Variants in MAP3K15 observed in about 807,000 individuals in gnomAD.
MAP3K15 encodes the protein mitogen-activated protein kinase kinase kinase 15.
A neutral mutation model predicts 99.5 loss-of-function variants in MAP3K15; 124 were observed. The ratio of observed to expected loss-of-function variants is 1.25; its 90% CI spans 1.08 to 1.45. The LOEUF is 1.45. MAP3K15 is among the 40% of genes most tolerant of loss of function. The pLI, the probability that MAP3K15 is intolerant of heterozygous loss-of-function variation, is 0.00. For missense variants in MAP3K15, 1,242 were observed against 1,079.7 expected, an observed-to-expected ratio of 1.15 and a Z score of -2.11; for synonymous variants, 494 against 439.6, an observed-to-expected ratio of 1.12 and a Z score of -1.55.
intron 1 of MAP3K15, among the ~76,000 whole-genome samples, chrX:19,496,115 G>A (rs1156395478): frequency 9.8e-6 from 1 of 102,105 alleles, no homozygotes; most frequent in African/African-American, 3.7e-5. Context: ...TGCCCAGGCT[G>A]GAGTGCAGTG....
Position 19,361,213 on chromosome X carries a change from TC to T in MAP3K15, c.3857+125del, listed in dbSNP as rs1037093465. 1.3e-5 allele frequency: 7 copies of T among 558,373 alleles called. No homozygotes were observed. In the African/African-American group the frequency reaches 1.6e-4, roughly 13 times the overall value. 46.0% of individuals were successfully genotyped at this position (558,373 alleles called of 1,213,427 possible). On this transcript the variant is annotated intron_variant, in intron 28 of 28. Transcript: ENST00000338883. ...CAGTTTCTGCCCCACCTTGGCTTTT[TC>T]CCAGCTTGAACCTAATAGAACTCCA...
chrX:19,501,902 C>A (rs967548053), intron 1 of MAP3K15, among the ~76,000 whole-genome samples: 3 of 111,212 alleles, frequency 2.7e-5, no homozygotes, highest in African/African-American at 6.5e-5. Flanking sequence ...CCCATCTCTA[C>A]TAAAAATACA....
At chrX:19,449,992 C>G (rs1239702732) in intron 6 of MAP3K15, among the ~76,000 whole-genome samples, 2 of 109,198 alleles carry the variant, frequency 1.8e-5, no homozygotes, top group Non-Finnish European at 3.9e-5. Flanking sequence ...GAGCAATAGC[C>G]AAGCACCTGC....
In MAP3K15 at chrX:19,369,226, A is replaced by G. The variant is rs371499504; in HGVS notation, c.3401-7T>C. ...TCAAAGTGGGCTCGGAGCTCTGCAA[A>G]TCACACAAGACATGACAATGGTGAG... On this transcript the variant is annotated splice_polypyrimidine_tract_variant and splice_region_variant and intron_variant, in intron 24 of 28. Coordinates refer to ENST00000338883, the MANE Select transcript of MAP3K15 (RefSeq NM_001001671.4). 3.9e-5 allele frequency: 47 copies of G among 1,210,853 alleles called. No homozygotes were observed. Among genetic ancestry groups the G allele is most frequent in the Non-Finnish European group, 5.3e-5 (47 of 895,029 alleles).
chrX:19,427,850 A>G (rs774022044), intron 7 of MAP3K15, among the ~76,000 whole-genome samples: 2 of 111,540 alleles, frequency 1.8e-5, no homozygotes, highest in Non-Finnish European at 3.8e-5. Flanking sequence ...ATTCTGAGGC[A>G]TAATACAAAT....
intron 13 of MAP3K15, among the ~76,000 whole-genome samples, chrX:19,406,944 A>G (rs1466377682): frequency 9.0e-6 from 1 of 111,377 alleles, no homozygotes; most frequent in South Asian, 3.7e-4. Flanking sequence ...CAGGTGATCC[A>G]CCCTCCTCAG....
At chrX:19,480,467 A>G (rs1261820724) in intron 3 of MAP3K15, among the ~76,000 whole-genome samples, 1 of 110,571 alleles carries the variant, frequency 9.0e-6, no homozygotes, top group Non-Finnish European at 1.9e-5. Flanking sequence ...GTGACAGAGT[A>G]AGACCCTGTC....
chrX:19,491,514 G>C (rs2064368442), intron 1 of MAP3K15, among the ~76,000 whole-genome samples: 1 of 109,411 alleles, frequency 9.1e-6, no homozygotes, highest in Non-Finnish European at 1.9e-5. Flanking sequence ...GAAGGAAAGA[G>C]CGGTGCATTA....
intron 18 of MAP3K15, among the ~76,000 whole-genome samples, chrX:19,391,674 C>CAAAAAAAAAAAAAAAA (rs759061873): frequency 3.5e-5 from 1 of 28,533 alleles, no homozygotes; most frequent in African/African-American, 1.1e-4. Flanking sequence ...GACCCCGTCT[C>CAAAAAAAAAAAAAAAA]AAAAAAAAAA....
chrX:19,488,401 G>A (rs924244880), intron 2 of MAP3K15, among the ~76,000 whole-genome samples: 22 of 111,615 alleles, frequency 2.0e-4, no homozygotes, highest in South Asian at 1.5e-3. Context: ...TGTCCATTTC[G>A]GTAACTGTTC....
Position 19,425,597 on chromosome X carries a change from A to T in MAP3K15, c.1373T>A (p.Leu458Gln). The T allele has an allele frequency of 8.3e-7, 1 of 1,199,593 alleles. No individual in the cohort carries two copies. The highest frequency in any genetic ancestry group is 1.1e-6 in the Non-Finnish European group (1 of 894,594). The change falls in exon 9 of 29, where the codon CTG becomes CAG. Residue 458 changes from leucine to glutamine, a missense_variant. Coordinates refer to ENST00000338883, the MANE Select transcript of MAP3K15 (RefSeq NM_001001671.4). ...DVGQFFSVSMLAHDVGKAVQA... is the reference protein window; with the variant it reads ...DVGQFFSVSMQAHDVGKAVQA... Reference sequence around the variant, plus strand: ...GACGGCTTTCCCGACATCATGGGCCAGCATGCTGACGCTGAAGAACTGACC... The same window carrying T: ...GACGGCTTTCCCGACATCATGGGCCTGCATGCTGACGCTGAAGAACTGACC...
intron 9 of MAP3K15, 129 bp from the exon 10 acceptor site, chrX:19,415,386 A>C: frequency 1.2e-5 from 7 of 573,310 alleles, no homozygotes; most frequent in Non-Finnish European, 5.0e-6. Context: ...GTGCTTCATA[A>C]ACGACTGCTC....
At chrX:19,462,904 A>G (rs1443028331) in intron 4 of MAP3K15, among the ~76,000 whole-genome samples, 2 of 112,420 alleles carry the variant, frequency 1.8e-5, no homozygotes, top group African/African-American at 6.5e-5. Flanking sequence ...TAGGTATTTC[A>G]AGCCCTTTGA....
intron 1 of MAP3K15, 122 bp from the exon 2 acceptor site, chrX:19,489,089 AG>A (rs1462398925): frequency 3.1e-6 from 2 of 643,256 alleles, no homozygotes; most frequent in African/African-American, 2.2e-5. Context: ...TGTTAGGTAA[AG>A]TAAGGAATGA....
intron 6 of MAP3K15, among the ~76,000 whole-genome samples, chrX:19,433,993 C>G (rs950766654): frequency 1.8e-5 from 2 of 111,109 alleles, no homozygotes; most frequent in Admixed American, 9.6e-5. Context: ...GAGGAACATC[C>G]GTAACAGTAA....
chrX:19,396,959 GCA>G (rs754410693), intron 15 of MAP3K15, among the ~76,000 whole-genome samples: 2 of 108,637 alleles, frequency 1.8e-5, no homozygotes, highest in African/African-American at 6.7e-5. Flanking sequence ...GAGTGCAGTG[GCA>G]CAGTCTCGGC....
In MAP3K15 at chrX:19,380,127, A is replaced by G; in HGVS notation, c.2582T>C (p.Met861Thr). 8.4e-7 allele frequency: 1 copy of G among 1,188,458 alleles called. No individual in the cohort carries two copies. Residue 861 changes from methionine (M) to threonine (T), a missense_variant, in exon 19 of 29, where the codon ATG becomes ACG. Coordinates refer to ENST00000338883, the MANE Select transcript of MAP3K15 (RefSeq NM_001001671.4). ...FHELGEPQAA[M>T]FKVGMFKIHP... ...TCACGAAGCATGACTTACTTTGAACATGGCTGCCTGCGGCTCACCAAGCTC... is the reference window on the plus strand; with the variant it reads ...TCACGAAGCATGACTTACTTTGAACGTGGCTGCCTGCGGCTCACCAAGCTC...
At chrX:19,431,221 G>A (rs866617268) in intron 7 of MAP3K15, among the ~76,000 whole-genome samples, 10 of 111,700 alleles carry the variant, frequency 9.0e-5, no homozygotes, top group Non-Finnish European at 1.7e-4. Context: ...CCATAAACAA[G>A]TGTACCTGTG....
intron 1 of MAP3K15, among the ~76,000 whole-genome samples, chrX:19,507,567 C>T (rs1214013191): frequency 3.3e-5 from 2 of 60,879 alleles, no homozygotes; most frequent in Non-Finnish European, 5.4e-5. Context: ...GAGAGTGACA[C>T]CTTGTCTCAA....
Sources: allele counts gnomAD v4.1 joint callset (sites outside exome capture counted in the v4.1 genomes callset), GRCh38; gene constraint gnomAD v4.1.1; transcripts MANE v1.5; gene names NCBI Gene and HGNC (gene_info 2026-07-23, HGNC 2026-07-21).